The following HDLBP variants were observed in gnomAD, a reference collection of about 807,000 sequenced individuals.
The protein encoded by HDLBP is high density lipoprotein binding protein.
Under a neutral mutation model 137.3 loss-of-function variants are expected in HDLBP, and 30 were observed. That is an observed-to-expected ratio of 0.22 (90% CI 0.16 to 0.30). The LOEUF (loss-of-function observed/expected upper bound fraction) is 0.30, where lower values mean the gene tolerates loss of function less well. HDLBP is among the 10% of genes least tolerant of loss of function. The pLI, the probability that HDLBP is intolerant of heterozygous loss-of-function variation, is 1.00. For synonymous variants in HDLBP, 606 were observed against 596.0 expected, an observed-to-expected ratio of 1.02 and a Z score of -0.24; for missense variants, 1,119 against 1,667.3, an observed-to-expected ratio of 0.67 and a Z score of 5.73.
intron 1 of HDLBP, among the ~76,000 whole-genome samples, chr2:241,295,611 G>C (rs1464333094): frequency 6.6e-6 from 1 of 152,200 alleles, no homozygotes; most frequent in African/African-American, 2.4e-5. Context: ...TAACATCTGT[G>C]ATAGGCTGAA....
chr2:241,256,403 G>A lies in HDLBP; in HGVS notation c.658-4C>T, dbSNP rs1349806399. 15 of 1,599,902 alleles carry A rather than the reference G, an allele frequency of 9.4e-6. No homozygotes were observed. Among genetic ancestry groups the A allele is most frequent in the Non-Finnish European group, 1.3e-5 (15 of 1,171,986 alleles). On this transcript the variant is annotated splice_region_variant and splice_polypyrimidine_tract_variant and intron_variant, in intron 6 of 27. Transcript: ENST00000310931. ...GCCTCTCCACAGCACGTTTGTCCTG[G>A]AAAGGAAGGGATGATCTGATGAGAA...
Position 241,235,104 on chromosome 2 carries a change from G to T in HDLBP, c.3144+17C>A. On this transcript the variant is annotated intron_variant, in intron 23 of 27. Transcript: ENST00000310931. ...GCACCATGGCTCTGGGCAGTGCCCCGGCCACCTCCTGCTCACCCGGTCCTC... is the reference window on the plus strand; with the variant it reads ...GCACCATGGCTCTGGGCAGTGCCCCTGCCACCTCCTGCTCACCCGGTCCTC... 1 of 1,610,302 alleles carries T rather than the reference G, an allele frequency of 6.2e-7. No homozygotes were observed. Among genetic ancestry groups the T allele is most frequent in the Non-Finnish European group, 8.5e-7 (1 of 1,179,640 alleles).
intron 1 of HDLBP, chr2:241,269,284 T>G (rs1223394280): frequency 6.6e-6 from 1 of 151,830 alleles, no homozygotes; most frequent in African/African-American, 2.4e-5. Flanking sequence ...CTGACAGGAG[T>G]GAGGCATGTG....
intron 1 of HDLBP, among the ~76,000 whole-genome samples, chr2:241,298,532 A>G (rs2075270945): frequency 6.6e-6 from 1 of 152,220 alleles, no homozygotes; most frequent in African/African-American, 2.4e-5. Flanking sequence ...ATATTGACAT[A>G]AATAAGCAAA....
rs552622531 is a variant in HDLBP, at chr2:241,248,450, G to A, written c.1513-102C>T. On this transcript the variant is annotated intron_variant, in intron 12 of 27. Coordinates refer to ENST00000310931, the MANE Select transcript of HDLBP (RefSeq NM_005336.6). ...GGGAGCCCTGGGCACAGTCCTTCATGGAGCAGGTGAGGTGGTCTCCAGGTG... is the reference window on the plus strand; with the variant it reads ...GGGAGCCCTGGGCACAGTCCTTCATAGAGCAGGTGAGGTGGTCTCCAGGTG... The A allele has an allele frequency of 1.2e-5, 11 of 938,940 alleles. No homozygotes were observed. The African/African-American group carries it at 1.8e-4, about 15-fold the overall frequency. The allele number at this position is 938,940 out of a possible 1,614,324, so 58.2% of individuals were successfully genotyped here. A position where few individuals can be genotyped will look rare whatever the true frequency, so the allele number is the denominator to read the frequency against.
intron 16 of HDLBP, among the ~76,000 whole-genome samples, chr2:241,243,397 A>C (rs1218511370): frequency 6.6e-6 from 1 of 151,178 alleles, no homozygotes; most frequent in Non-Finnish European, 1.5e-5. Flanking sequence ...GGCCTCATAC[A>C]GTGCCTTTAG....
chr2:241,272,785 T>A lies in HDLBP; in HGVS notation c.-102-4244A>T. 1 of 283,682 alleles carries A rather than the reference T, an allele frequency of 3.5e-6. No homozygotes were observed. Among genetic ancestry groups the A allele is most frequent in the Non-Finnish European group, 5.2e-6 (1 of 191,632 alleles). The allele number at this position is 283,682 out of a possible 1,614,324, so 17.6% of individuals were successfully genotyped here. On this transcript the variant is annotated intron_variant, in intron 1 of 27. Coordinates refer to ENST00000310931, the MANE Select transcript of HDLBP (RefSeq NM_005336.6). The surrounding 1 kb of genome is among the most constrained non-coding windows in gnomAD (Gnocchi z 5.6). ...CTCGTGGGCCCCCGCCCGCTGGTCC[T>A]GCCGCTGGCTTACTCGCCCCCCGCG...
intron 20 of HDLBP, 32 bp from the exon 21 acceptor site, chr2:241,236,801 A>G (rs773570273): frequency 6.2e-7 from 1 of 1,608,144 alleles, no homozygotes; most frequent in Admixed American, 1.7e-5. Flanking sequence ...GACAGCTGAC[A>G]GCTGCTGGAA....
Position 241,306,472 on chromosome 2 carries a change from C to T in HDLBP, c.-103+9098G>A, listed in dbSNP as rs527557982. Among the ~76,000 whole-genome samples the T allele has an allele frequency of 8.5e-3, 1,289 of 151,862 alleles. 23 individuals carry two copies. The highest frequency in any genetic ancestry group is 0.029 in the African/African-American group (1,212 of 41,444). Reference sequence around the variant, plus strand: ...CGGGGCTTCTCCATGTTGGTCAGGCCAGTCTCGAACTCCTGACCTCAGGTG... The same window carrying T: ...CGGGGCTTCTCCATGTTGGTCAGGCTAGTCTCGAACTCCTGACCTCAGGTG... On this transcript the variant is annotated intron_variant, in intron 1 of 27. Coordinates refer to ENST00000310931, the MANE Select transcript of HDLBP (RefSeq NM_005336.6).
rs548866465 is a variant in HDLBP at position 241,234,275 on chromosome 2, TCTC to T, written c.3145-315_3145-313del. On this transcript the variant is annotated intron_variant, in intron 23 of 27. Coordinates refer to ENST00000310931, the MANE Select transcript of HDLBP (RefSeq NM_005336.6). ...GTGAGTCACGAGCTTGGGGCCCCGC[TCTC>T]CTCATTTGTCAAACAGGGATCTGAT... is the stretch of plus-strand genomic sequence containing the variant. Among the ~76,000 whole-genome samples, 751 of 152,230 alleles carry T rather than the reference TCTC, an allele frequency of 4.9e-3. 5 individuals are homozygous for T. The highest frequency in any genetic ancestry group is 0.017 in the African/African-American group (693 of 41,524).
chr2:241,272,501 GCGCGCCCCTC>G lies in HDLBP; in HGVS notation c.-102-3970_-102-3961del, dbSNP rs2074162021. ...CGCCACCGGACTTGAGAAAGTTTGT[GCGCGCCCCTC>G]CGCGCCACGGCCACGCGCAGAAGAG... On this transcript the variant is annotated intron_variant, in intron 1 of 27. Transcript: ENST00000310931. The surrounding 1 kb of genome is among the most constrained non-coding windows in gnomAD (Gnocchi z 5.6). 1 of 984,634 alleles carries G rather than the reference GCGCGCCCCTC, an allele frequency of 1.0e-6. No individual in the cohort carries two copies. Among genetic ancestry groups the G allele is most frequent in the Non-Finnish European group, 1.2e-6 (1 of 829,730 alleles). 61.0% of individuals were successfully genotyped at this position (984,634 alleles called of 1,614,324 possible). A position where few individuals can be genotyped will look rare whatever the true frequency, so the allele number is the denominator to read the frequency against.
intron 20 of HDLBP, among the ~76,000 whole-genome samples, chr2:241,237,072 T>A (rs983633738): frequency 2.7e-5 from 4 of 147,494 alleles, no homozygotes; most frequent in African/African-American, 1.0e-4. Flanking sequence ...TAACAGCAAC[T>A]AACTACAGCA....
chr2:241,286,590 T>TCTCC (rs1412110441), intron 1 of HDLBP, among the ~76,000 whole-genome samples: 7 of 152,110 alleles, frequency 4.6e-5, no homozygotes, highest in Admixed American at 3.9e-4. Flanking sequence ...ATGTCTCATG[T>TCTCC]CTCCCTACAA....
At chr2:241,268,320 G>A (rs1490211420) in intron 2 of HDLBP, 157 bp downstream of exon 2, 2 of 241,084 alleles carry the variant, frequency 8.3e-6, no homozygotes, top group African/African-American at 2.3e-5. Context: ...CTGCTGGGAG[G>A]TGAAGCTATG....
intron 1 of HDLBP, chr2:241,280,078 T>C: frequency 5.1e-6 from 5 of 985,324 alleles, no homozygotes; most frequent in Non-Finnish European, 6.0e-6. Flanking sequence ...AGTGCAGTCT[T>C]ATAGGAAGTT....
At chr2:241,278,693 A>G (rs2074487699) in intron 1 of HDLBP, among the ~76,000 whole-genome samples, 1 of 152,226 alleles carries the variant, frequency 6.6e-6, no homozygotes, top group Non-Finnish European at 1.5e-5. Flanking sequence ...ACCAGAATTG[A>G]AAATGAACCA....
rs189792376 is a variant in HDLBP, at chr2:241,255,925, T to A, written c.873+259A>T. ...GACGTGAACAAGTCCGGGATGTGCA[T>A]CTGACCCGGGGCAGCCCAGCTGGCA... On this transcript the variant is annotated intron_variant, in intron 7 of 27. Coordinates refer to ENST00000310931, the MANE Select transcript of HDLBP (RefSeq NM_005336.6). Among the ~76,000 whole-genome samples the A allele has an allele frequency of 2.6e-5, 4 of 152,224 alleles. 1 individual carries two copies. The highest frequency in any genetic ancestry group is 1.3e-4 in the Admixed American group (2 of 15,284).
chr2:241,315,173 C>T (rs935168240), intron 1 of HDLBP: 3 of 152,244 alleles, frequency 2.0e-5, no homozygotes, highest in African/African-American at 4.8e-5. Context: ...GGCGGCGGGC[C>T]CCAGCCCGGG....
Position 241,291,035 on chromosome 2 carries a change from G to A in HDLBP, c.-102-22494C>T, listed in dbSNP as rs116023384. Among the ~76,000 whole-genome samples, 58 of 152,340 alleles carry A rather than the reference G, an allele frequency of 3.8e-4. 3 individuals carry two copies. The South Asian group carries it at 0.012, about 30-fold the overall frequency. On this transcript the variant is annotated intron_variant, in intron 1 of 27. Transcript: ENST00000310931. Reference sequence around the variant, plus strand: ...TGCTAAGTGTTTGTGAGACTTATCTGCAGGAGGGGAAGCTCTGTATCACAC... The same window carrying A: ...TGCTAAGTGTTTGTGAGACTTATCTACAGGAGGGGAAGCTCTGTATCACAC...
Sources: allele counts gnomAD v4.1 joint callset (sites outside exome capture counted in the v4.1 genomes callset), GRCh38; gene constraint gnomAD v4.1.1; non-coding constraint Gnocchi (gnomAD v3.1); transcripts MANE v1.5; gene names NCBI Gene and HGNC (gene_info 2026-07-23, HGNC 2026-07-21).